The following PRIM2 variants were observed in gnomAD, a reference collection of about 807,000 sequenced individuals.
PRIM2 encodes DNA primase large subunit.
PRIM2 carries 39 observed loss-of-function variants against 67.3 expected under a neutral mutation model. The observed-to-expected ratio is 0.58, with a 90% CI of 0.45 to 0.76. The LOEUF (loss-of-function observed/expected upper bound fraction) is 0.76, where lower values mean the gene tolerates loss of function less well. Among genes scored for constraint, PRIM2 ranks in the 30% least tolerant of loss-of-function variants. The pLI is 0.00. For missense variants in PRIM2, 398 were observed against 598.7 expected (o/e 0.66, Z 3.50); for synonymous variants, 143 against 198.7 (o/e 0.72, Z 2.36).
At chr6:57,411,021 G>C (rs1470695671) in intron 7 of PRIM2, among the ~76,000 whole-genome samples, 1 of 151,960 alleles carries the variant, frequency 6.6e-6, no homozygotes, top group Non-Finnish European at 1.5e-5. Flanking sequence ...GATGGGGCCT[G>C]GTGGGAGGTG....
chr6:57,411,350 G>C (rs1771082838), intron 7 of PRIM2, among the ~76,000 whole-genome samples: 2 of 152,100 alleles, frequency 1.3e-5, no homozygotes, highest in Non-Finnish European at 2.9e-5. Context: ...TCGCACTTTG[G>C]GAGGCTGAGG....
At chr6:57,583,275 C>T (rs1216951992) in intron 10 of PRIM2, among the ~76,000 whole-genome samples, 1 of 147,648 alleles carries the variant, frequency 6.8e-6, no homozygotes, top group Non-Finnish European at 1.5e-5. Flanking sequence ...TGCACTGCAC[C>T]CACTAACTCG....
chr6:57,436,126 T>G (rs796102437), intron 7 of PRIM2, among the ~76,000 whole-genome samples: 5 of 152,334 alleles, frequency 3.3e-5, no homozygotes, highest in African/African-American at 1.2e-4. Context: ...TATCTCTTCC[T>G]TGGATTCATT....
At chr6:57,611,963 T>G (rs1450228903) in intron 12 of PRIM2, among the ~76,000 whole-genome samples, 1 of 151,876 alleles carries the variant, frequency 6.6e-6, no homozygotes, top group Non-Finnish European at 1.5e-5. Flanking sequence ...AAAGAAAAAG[T>G]GTGAATGGTA....
At chr6:57,557,646 G>C (rs1358348559) in intron 10 of PRIM2, among the ~76,000 whole-genome samples, 2 of 151,104 alleles carry the variant, frequency 1.3e-5, no homozygotes, top group Admixed American at 1.3e-4. Flanking sequence ...AAGGAGAGGA[G>C]CAGAAAAAAA....
the PRIM2 span, among the ~76,000 whole-genome samples, chr6:57,239,207 T>C: frequency 9.2e-5 from 14 of 152,064 alleles, no homozygotes; most frequent in Non-Finnish European, 1.8e-4. Flanking sequence ...GCCAGACTGG[T>C]CTCGAACTCC....
At chr6:57,310,281 T>G (rs960281259), upstream of PRIM2, among the ~76,000 whole-genome samples, 1 of 152,234 alleles carries the variant, frequency 6.6e-6, no homozygotes, top group Non-Finnish European at 1.5e-5. Flanking sequence ...TTCAAGCATC[T>G]GTTTAACAAA....
At chr6:57,289,055 G>A in the PRIM2 span, among the ~76,000 whole-genome samples, 1 of 152,100 alleles carries the variant, frequency 6.6e-6, no homozygotes, top group South Asian at 2.1e-4. Context: ...TAAAAACCTC[G>A]AAAAAAGGTT....
chr6:57,436,322 A>G (rs1025515230), intron 7 of PRIM2, among the ~76,000 whole-genome samples: 21 of 152,232 alleles, frequency 1.4e-4, no homozygotes, highest in Admixed American at 1.4e-3. Flanking sequence ...AAATCCTCAT[A>G]AAGTCGCTAA....
At chr6:57,298,317 C>T in the PRIM2 span, among the ~76,000 whole-genome samples, 8 of 152,078 alleles carry the variant, frequency 5.3e-5, no homozygotes, top group South Asian at 8.3e-4. Flanking sequence ...GCCAAGATTG[C>T]GCCATTGCAC....
the PRIM2 span, among the ~76,000 whole-genome samples, chr6:57,268,331 TGTTAGA>T: frequency 0.019 from 2,823 of 152,236 alleles, 91 homozygotes; most frequent in African/African-American, 0.065. Context: ...GAATATTAAA[TGTTAGA>T]GTTAAAGGCA....
intron 8 of PRIM2, among the ~76,000 whole-genome samples, chr6:57,512,463 C>T (rs1234204521): frequency 2.0e-5 from 3 of 152,252 alleles, no homozygotes; most frequent in Admixed American, 6.5e-5. Context: ...AAGTACTTTC[C>T]AATCTAGCTT....
At chr6:57,518,100 C>T (rs1774523764) in intron 8 of PRIM2, among the ~76,000 whole-genome samples, 1 of 152,128 alleles carries the variant, frequency 6.6e-6, no homozygotes, top group Non-Finnish European at 1.5e-5. Context: ...GTTTAATGCA[C>T]TCTCAATTGT....
intron 10 of PRIM2, among the ~76,000 whole-genome samples, chr6:57,593,721 GT>G (rs1776321120): frequency 6.6e-6 from 1 of 152,318 alleles, no homozygotes; most frequent in South Asian, 2.1e-4. Context: ...TGTTGAATTT[GT>G]AAATTTGAAA....
chr6:57,640,145 T>C (rs1777204135), intron 13 of PRIM2, among the ~76,000 whole-genome samples: 1 of 152,192 alleles, frequency 6.6e-6, no homozygotes, highest in African/African-American at 2.4e-5. Flanking sequence ...CACATGATTA[T>C]CTCAATAGAT....
chr6:57,352,203 G>A (rs889410581), intron 5 of PRIM2, among the ~76,000 whole-genome samples: 15 of 152,244 alleles, frequency 9.9e-5, no homozygotes, highest in Middle Eastern at 6.8e-3. Context: ...TGATAAATAT[G>A]TAATTCACGT....
chr6:57,297,147 G>A, the PRIM2 span, among the ~76,000 whole-genome samples: 3 of 151,950 alleles, frequency 2.0e-5, no homozygotes, highest in Non-Finnish European at 2.9e-5. Flanking sequence ...AAGAAGTGAC[G>A]GAAATAGAAA....
At chr6:57,470,451 C>T (rs1341144472) in intron 7 of PRIM2, among the ~76,000 whole-genome samples, 3 of 108,990 alleles carry the variant, frequency 2.8e-5, no homozygotes, top group Non-Finnish European at 5.5e-5. Flanking sequence ...TCCCCCTCTC[C>T]CCTCTCCCCG....
chr6:57,264,276 G>A, the PRIM2 span, among the ~76,000 whole-genome samples: 1 of 152,096 alleles, frequency 6.6e-6, no homozygotes, highest in African/African-American at 2.4e-5. Flanking sequence ...AGTACCTGAA[G>A]CCCTCTTTAG....
Sources: allele counts gnomAD v4.1 joint callset (sites outside exome capture counted in the v4.1 genomes callset), GRCh38; gene constraint gnomAD v4.1.1; transcripts MANE v1.5; gene names NCBI Gene and HGNC (gene_info 2026-07-23, HGNC 2026-07-21).